The following CDKAL1 variants were observed in gnomAD, a reference collection of about 807,000 sequenced individuals.
The protein encoded by CDKAL1 is CDKAL1 threonylcarbamoyladenosine tRNA methylthiotransferase, also known as threonylcarbamoyladenosine tRNA methylthiotransferase.
CDKAL1 carries 32 observed loss-of-function variants against 68.2 expected under a neutral mutation model. That is an observed-to-expected ratio of 0.47 (90% CI 0.35 to 0.63). The LOEUF is 0.63. Ranked by LOEUF, CDKAL1 falls within the 30% of genes least tolerant of loss-of-function variation. The probability of loss-of-function intolerance (pLI) is 0.00; values close to 1 mark genes in which losing one functional copy is unlikely to be tolerated. For missense variants in CDKAL1, 606 were observed against 696.7 expected (o/e 0.87, Z 1.47); for synonymous variants, 234 against 244.3 (o/e 0.96, Z 0.39).
intron 9 of CDKAL1, among the ~76,000 whole-genome samples, chr6:20,860,952 T>G (rs2150523120): frequency 1.3e-5 from 2 of 151,420 alleles, no homozygotes; most frequent in South Asian, 4.2e-4. Context: ...TTTTTTTTTT[T>G]TAGAGAAAGC....
Position 21,059,666 on chromosome 6 carries a change from T to C in CDKAL1, c.1056-5382T>C, listed in dbSNP as rs185427579. Among the ~76,000 whole-genome samples the C allele has an allele frequency of 1.4e-3, 216 of 152,016 alleles. 1 individual carries two copies. Among genetic ancestry groups the C allele is most frequent in the Admixed American group, 2.9e-3 (44 of 15,284 alleles). ...AATTAGAGAACCTGGATACCTCAGC[T>C]GAAGGTGCAGGATTCACTCACCCTT... On this transcript the variant is annotated intron_variant, in intron 11 of 15. Transcript: ENST00000274695.
intron 13 of CDKAL1, among the ~76,000 whole-genome samples, chr6:21,193,304 AAGAG>A (rs137984788): frequency 8.0e-5 from 12 of 150,580 alleles, no homozygotes; most frequent in Admixed American, 4.0e-4. Context: ...ACTGTTTAAA[AAGAG>A]AGAGAGAGAG....
At chr6:20,559,989 T>C (rs1764205679) in intron 4 of CDKAL1, among the ~76,000 whole-genome samples, 1 of 152,164 alleles carries the variant, frequency 6.6e-6, no homozygotes, top group Admixed American at 6.5e-5. Context: ...TTCTTTAATT[T>C]TGGGGAGAAA....
chr6:21,030,092 T>C (rs536412314), intron 11 of CDKAL1, among the ~76,000 whole-genome samples: 23 of 152,246 alleles, frequency 1.5e-4, no homozygotes, highest in Admixed American at 4.6e-4. Flanking sequence ...CCATCAATGA[T>C]AGACTGGACA....
intron 5 of CDKAL1, among the ~76,000 whole-genome samples, chr6:20,673,384 A>G (rs1769941664): frequency 6.6e-6 from 1 of 152,196 alleles, no homozygotes; most frequent in South Asian, 2.1e-4. Context: ...TCATCTCTGG[A>G]TTACTTGTAA....
intron 6 of CDKAL1, among the ~76,000 whole-genome samples, chr6:20,753,953 C>CTCTGTGTGTG (rs1554115262): frequency 1.8e-5 from 2 of 113,762 alleles, no homozygotes; most frequent in East Asian, 5.6e-4. Flanking sequence ...TCGTTATTAT[C>CTCTGTGTGTG]TGTATGTGTG....
At chr6:20,742,349 T>A (rs1405179244) in intron 6 of CDKAL1, among the ~76,000 whole-genome samples, 1 of 133,346 alleles carries the variant, frequency 7.5e-6, no homozygotes, top group Non-Finnish European at 1.6e-5. Flanking sequence ...TAGGTTTATC[T>A]TATTTTGTTC....
chr6:20,606,822 A>G (rs1766355759), intron 4 of CDKAL1, among the ~76,000 whole-genome samples: 2 of 152,200 alleles, frequency 1.3e-5, no homozygotes, highest in African/African-American at 4.8e-5. Flanking sequence ...TGCGTTTTTG[A>G]TGGACATTCT....
At chr6:20,538,518 T>C (rs1253610211) in intron 2 of CDKAL1, among the ~76,000 whole-genome samples, 1 of 152,222 alleles carries the variant, frequency 6.6e-6, no homozygotes, top group African/African-American at 2.4e-5. Flanking sequence ...TCTAATGATA[T>C]GGGATGTCTA....
intron 12 of CDKAL1, among the ~76,000 whole-genome samples, chr6:21,093,010 A>C (rs1297170998): frequency 6.6e-6 from 1 of 152,174 alleles, no homozygotes; most frequent in African/African-American, 2.4e-5. Flanking sequence ...TCCAACATTC[A>C]AATAATAGGA....
At chr6:20,876,630 T>C (rs1395293808) in intron 9 of CDKAL1, among the ~76,000 whole-genome samples, 3 of 152,302 alleles carry the variant, frequency 2.0e-5, no homozygotes, top group South Asian at 2.1e-4. Context: ...GGAAAGAATA[T>C]GAATTTTGAA....
intron 4 of CDKAL1, among the ~76,000 whole-genome samples, chr6:20,632,199 A>C (rs901768278): frequency 6.6e-6 from 1 of 152,172 alleles, no homozygotes; most frequent in Admixed American, 6.5e-5. Flanking sequence ...TGTACACTTA[A>C]ATTAGCCTAT....
At chr6:20,656,097 GGCT>G (rs61477452) in intron 5 of CDKAL1, among the ~76,000 whole-genome samples, 11,013 of 152,038 alleles carry the variant, frequency 0.072, 1,278 homozygotes, top group African/African-American at 0.25. Context: ...AGGTCTCTAA[GGCT>G]GCTGTTCAGT....
rs570692096 is a variant in CDKAL1, at chr6:21,130,817, G to A, written c.1299+22354G>A. Among the ~76,000 whole-genome samples the A allele has an allele frequency of 3.0e-4, 46 of 152,320 alleles. 1 individual carries two copies. The East Asian group carries it at 8.9e-3, about 29-fold the overall frequency. ...CCCCTCCACAGCCATCGCCCAAAGA[G>A]TACAGTGGCTAGGGTTGGGGCAGCA... is the stretch of plus-strand genomic sequence containing the variant. On this transcript the variant is annotated intron_variant, in intron 13 of 15. Coordinates refer to ENST00000274695, the MANE Select transcript of CDKAL1 (RefSeq NM_017774.3).
intron 9 of CDKAL1, among the ~76,000 whole-genome samples, chr6:20,906,551 T>C (rs1419175110): frequency 5.3e-5 from 8 of 152,048 alleles, no homozygotes; most frequent in African/African-American, 1.9e-4. Flanking sequence ...GTTAAACCCA[T>C]TATAAAGTCA....
At chr6:20,853,507 A>G (rs1759152640) in intron 9 of CDKAL1, among the ~76,000 whole-genome samples, 1 of 152,146 alleles carries the variant, frequency 6.6e-6, no homozygotes, top group South Asian at 2.1e-4. Context: ...TCATGGCAGA[A>G]CTTCTGGTTC....
intron 8 of CDKAL1, 64 bp from the exon 9 acceptor site, chr6:20,846,010 TC>T (rs1778361667): frequency 1.1e-6 from 1 of 952,248 alleles, no homozygotes; most frequent in Non-Finnish European, 1.6e-6. Flanking sequence ...TTTTGAGGTA[TC>T]CCCATGTTAA....
Position 20,563,328 on chromosome 6 carries a change from T to C in CDKAL1, c.286+14623T>C, listed in dbSNP as rs530484636. Among the ~76,000 whole-genome samples the C allele has an allele frequency of 3.3e-5, 5 of 152,276 alleles. No individual in the cohort carries two copies. In the South Asian group the frequency reaches 1.0e-3, roughly 32 times the overall value. On this transcript the variant is annotated intron_variant, in intron 4 of 15. Transcript: ENST00000274695. ...TTAATAAAACTATTCAGAAAATCACTGAACAATACAAAAGTGGAAGACATT... is the reference window on the plus strand; with the variant it reads ...TTAATAAAACTATTCAGAAAATCACCGAACAATACAAAAGTGGAAGACATT...
At chr6:20,761,965 C>T (rs755153476) in intron 7 of CDKAL1, among the ~76,000 whole-genome samples, 22 of 152,066 alleles carry the variant, frequency 1.4e-4, no homozygotes, top group Non-Finnish European at 2.4e-4. Flanking sequence ...TTGTAACAAA[C>T]GTACCACTCT....
Sources: gnomAD v4.1 joint callset for allele counts (sites outside exome capture counted in the v4.1 genomes callset) on GRCh38, gnomAD v4.1.1 for gene constraint, MANE v1.5 for transcripts, NCBI Gene and HGNC (gene_info 2026-07-23, HGNC 2026-07-21) for gene names.